RET: variants seen among roughly 807,000 people sequenced by gnomAD.
RET encodes the protein proto-oncogene tyrosine-protein kinase receptor Ret.
Under a neutral mutation model 118.3 loss-of-function variants are expected in RET, and 19 were observed. That is an observed-to-expected ratio of 0.16 (90% CI 0.11 to 0.24). The LOEUF is 0.24. Ranked by LOEUF, RET falls within the 10% of genes least tolerant of loss-of-function variation. The pLI, the probability that RET is intolerant of heterozygous loss-of-function variation, is 1.00. For synonymous variants in RET, 597 were observed against 644.1 expected, an observed-to-expected ratio of 0.93 and a Z score of 1.11; for missense variants, 1,219 against 1,502.1, an observed-to-expected ratio of 0.81 and a Z score of 3.12.
chr10:43,086,351 G>A (rs1489598884), intron 1 of RET, among the ~76,000 whole-genome samples: 5 of 152,236 alleles, frequency 3.3e-5, no homozygotes, highest in African/African-American at 1.2e-4. Flanking sequence ...AGAAGGGGCT[G>A]GGGTAGGGCG....
At position 43,119,538 on chromosome 10, in the gene RET, C is replaced by T. The variant is rs1230298635; in HGVS notation, c.2400C>T (p.Leu800=). 1 of 1,601,406 alleles carries T rather than the reference C, an allele frequency of 6.2e-7. No individual in the cohort carries two copies. Among genetic ancestry groups the T allele is most frequent in the Non-Finnish European group, 8.5e-7 (1 of 1,176,336 alleles). Residue 800 remains leucine, a synonymous_variant, in exon 14 of 20, where the codon CTC becomes CTT. Coordinates refer to ENST00000355710, the MANE Select transcript of RET (RefSeq NM_020975.6). The stretch of plus-strand genomic sequence containing the variant: ...CCCTCTCTCCGCCCCCAGGCCCGCT[C>T]CTCCTCATCGTGGAGTACGCCAAAT... ...LYGACSQDGP[L]LLIVEYAKYG...
rs1838301227 is a variant in RET, at chr10:43,125,035, A to G, written c.3039+53A>G. On this transcript the variant is annotated intron_variant, in intron 18 of 19. Transcript: ENST00000355710. ...GCTGAAAGTGGCTTGGGGAGACTCC[A>G]GCCTCACCCCAGGGCAGTAGTTTTA... 2.6e-6 allele frequency: 4 copies of G among 1,537,856 alleles called. No individual in the cohort carries two copies. In the East Asian group the frequency reaches 6.8e-5, roughly 26 times the overall value.
Position 43,121,951 on chromosome 10 carries a change from G to T in RET, c.2736G>T (p.Arg912=). The change falls in exon 16 of 20, where the codon CGG becomes CGT. Residue 912 remains arginine (R), a synonymous_variant. Transcript: ENST00000355710. ...EDSYVKRSQG[R]IPVKWMAIES... is the part of the protein sequence containing the mutation. ...TTATTCCATCTTCTCTTTAGGGTCG[G>T]ATTCCAGTTAAATGGATGGCAATTG... The T allele has an allele frequency of 6.2e-7, 1 of 1,612,394 alleles. No homozygotes were observed. The highest frequency in any genetic ancestry group is 1.3e-5 in the African/African-American group (1 of 74,988).
chr10:43,107,601 ACC>A (rs57538114), intron 5 of RET, among the ~76,000 whole-genome samples: 39 of 136,126 alleles, frequency 2.9e-4, no homozygotes, highest in Non-Finnish European at 2.4e-4. Flanking sequence ...ACACACACAC[ACC>A]CTGTTACCCA....
At chr10:43,088,786 G>C (rs1837349125) in intron 1 of RET, among the ~76,000 whole-genome samples, 2 of 152,140 alleles carry the variant, frequency 1.3e-5, no homozygotes, top group African/African-American at 4.8e-5. Flanking sequence ...GAATCCACAA[G>C]CTTGCCCAAC....
chr10:43,096,938 G>A (rs577192474), intron 1 of RET, among the ~76,000 whole-genome samples: 4 of 152,188 alleles, frequency 2.6e-5, no homozygotes, highest in Non-Finnish European at 2.9e-5. Context: ...TGTGACAAGC[G>A]GGAACCTTAA....
Position 43,130,199 on chromosome 10 carries a change from T to C in RET, c.*1930T>C. ...ACGTAAATGCAGAAGTTACTAAGTATTAAGTATTACTGAGTATTAAGTAGT... is the reference window on the plus strand; with the variant it reads ...ACGTAAATGCAGAAGTTACTAAGTACTAAGTATTACTGAGTATTAAGTAGT... On this transcript the variant is annotated 3_prime_UTR_variant, in exon 20 of 20. Coordinates refer to ENST00000355710, the MANE Select transcript of RET (RefSeq NM_020975.6). The C allele has an allele frequency of 2.5e-6, 1 of 395,710 alleles. No individual in the cohort carries two copies. Among genetic ancestry groups the C allele is most frequent in the Non-Finnish European group, 4.4e-6 (1 of 224,808 alleles). The allele number at this position is 395,710 out of a possible 1,614,324, so 24.5% of individuals were successfully genotyped here. A position where few individuals can be genotyped will look rare whatever the true frequency, so the allele number is the denominator to read the frequency against.
chr10:43,109,573 G>A (rs1210227289), intron 6 of RET, among the ~76,000 whole-genome samples: 3 of 152,232 alleles, frequency 2.0e-5, no homozygotes, highest in Non-Finnish European at 4.4e-5. Flanking sequence ...TTGCAGAGAT[G>A]TTGGTCCCAC....
rs757619528 is a variant in RET, at chr10:43,119,762, C to T, written c.2607+17C>T. ...GAGATGAAGGTGCGTGCATATGGCT[C>T]TGCACCCAGCCAGCCCCGGCCAGGC... On this transcript the variant is annotated intron_variant, in intron 14 of 19. Transcript: ENST00000355710. 6.2e-7 allele frequency: 1 copy of T among 1,610,528 alleles called. No homozygotes were observed. Among genetic ancestry groups the T allele is most frequent in the Non-Finnish European group, 8.5e-7 (1 of 1,178,724 alleles).
At chr10:43,122,060 A>G in intron 16 of RET, 44 bp downstream of exon 16, 1 of 1,489,264 alleles carries the variant, frequency 6.7e-7, no homozygotes, top group Admixed American at 1.7e-5. Flanking sequence ...TTACAGAAAC[A>G]CCCTTATACA....
At chr10:43,099,169 T>C (rs2505531) in intron 1 of RET, among the ~76,000 whole-genome samples, 58,458 of 151,984 alleles carry the variant, frequency 0.38, 11,552 homozygotes, top group South Asian at 0.51. Context: ...GCTACGCCTC[T>C]GTCCACAGCG....
In RET at chr10:43,113,553, C is replaced by T. The variant is rs587781734; in HGVS notation, c.1760-3C>T. Reference sequence around the variant, plus strand: ...AGGCTGAGTGGGCTACGTCTGCCCTCAGGGGGCAGCATTGTTGGGGGACAC... The same window carrying T: ...AGGCTGAGTGGGCTACGTCTGCCCTTAGGGGGCAGCATTGTTGGGGGACAC... On this transcript the variant is annotated splice_region_variant and splice_polypyrimidine_tract_variant and intron_variant, in intron 9 of 19. Coordinates refer to ENST00000355710, the MANE Select transcript of RET (RefSeq NM_020975.6). 2.5e-6 allele frequency: 4 copies of T among 1,605,194 alleles called. No homozygotes were observed. The highest frequency in any genetic ancestry group is 1.7e-5 in the Admixed American group (1 of 58,882).
chr10:43,115,449 C>T (rs535946458), intron 11 of RET, among the ~76,000 whole-genome samples: 48 of 152,234 alleles, frequency 3.2e-4, no homozygotes, highest in Non-Finnish European at 6.2e-4. Flanking sequence ...AACACCCAGC[C>T]CTCGGTAAGG....
At chr10:43,109,801 A>C (rs1194181663) in intron 6 of RET, among the ~76,000 whole-genome samples, 1 of 69,426 alleles carries the variant, frequency 1.4e-5, no homozygotes, top group Non-Finnish European at 3.7e-5. Context: ...TATTCATTAA[A>C]GAAGATGAGG....
At position 43,105,112 on chromosome 10, in the gene RET, G is replaced by A. The variant is rs1060504035; in HGVS notation, c.786G>A (p.Val262=). 2.5e-6 allele frequency: 4 copies of A among 1,612,518 alleles called. No homozygotes were observed. The highest frequency in any genetic ancestry group is 2.5e-6 in the Non-Finnish European group (3 of 1,179,834). Residue 262 remains valine, a synonymous_variant, in exon 4 of 20, where the codon GTG becomes GTA. Transcript: ENST00000355710. ...EVVMVPFPVT[V]YDEDDSAPTF... ...TGATGGTGCCCTTCCCGGTGACCGT[G>A]TACGACGAGGACGACTCGGCGCCCA...
At chr10:43,116,435 G>A (rs1269799445) in intron 11 of RET, 149 bp from the exon 12 acceptor site, 1 of 956,288 alleles carries the variant, frequency 1.0e-6, no homozygotes, top group Non-Finnish European at 1.7e-6. Flanking sequence ...GCAGAGACAG[G>A]CAGCGTTGCC....
chr10:43,115,387 TC>T (rs1435100158), intron 11 of RET, among the ~76,000 whole-genome samples: 1 of 152,098 alleles, frequency 6.6e-6, no homozygotes, highest in Non-Finnish European at 1.5e-5. Flanking sequence ...AGGGGCCATA[TC>T]CCACAGTGCA....
chr10:43,112,107 G>T lies in RET; in HGVS notation c.1531G>T (p.Glu511Ter). 1 of 1,601,704 alleles carries T rather than the reference G, an allele frequency of 6.2e-7. No homozygotes were observed. ...LVTVEGSYVA[E>*]EAGCPLSCAV... ...TTGTCTGCCACCTGCAGATGTGGCC[G>T]AGGAGGCGGGCTGCCCCCTGTCCTG... The change falls in exon 8 of 20, where the codon GAG (glutamate) becomes TAG (stop). Residue 511 changes from glutamate to a stop codon, truncating the protein, a stop_gained. Transcript: ENST00000355710. LOFTEE classifies it high-confidence loss of function.
chr10:43,098,649 C>T (rs750896234), intron 1 of RET, among the ~76,000 whole-genome samples: 3 of 152,114 alleles, frequency 2.0e-5, no homozygotes, highest in Non-Finnish European at 4.4e-5. Flanking sequence ...CTTAAACTCC[C>T]GACCTTAAGT....
Sources: allele counts gnomAD v4.1 joint callset (sites outside exome capture counted in the v4.1 genomes callset), GRCh38; gene constraint gnomAD v4.1.1; transcripts MANE v1.5; gene names NCBI Gene and HGNC (gene_info 2026-07-23, HGNC 2026-07-21).